KCNIP1: variants seen among roughly 807,000 people sequenced by gnomAD.
KCNIP1 encodes the protein A-type potassium channel modulatory protein KCNIP1.
A neutral mutation model predicts 33.0 loss-of-function variants in KCNIP1; 18 were observed. The ratio of observed to expected loss-of-function variants is 0.55; its 90% confidence interval spans 0.38 to 0.81. The LOEUF (loss-of-function observed/expected upper bound fraction) is 0.81. KCNIP1 is among the 30% of genes least tolerant of loss of function. The probability of loss-of-function intolerance (pLI) is 0.00; values close to 1 mark genes in which losing one functional copy is unlikely to be tolerated. For missense variants in KCNIP1, 238 were observed against 271.6 expected (o/e 0.88, Z 0.87); for synonymous variants, 93 against 98.3 (o/e 0.95, Z 0.32).
At chr5:170,735,611 AG>A in intron 7 of KCNIP1, 147 bp from the exon 8 acceptor site, 1 of 632,144 alleles carries the variant, frequency 1.6e-6, no homozygotes, top group South Asian at 2.2e-5. Flanking sequence ...ATCACTTTCT[AG>A]GTCCCCACCC....
intron 1 of KCNIP1, among the ~76,000 whole-genome samples, chr5:170,550,130 C>T (rs1756554527): frequency 6.6e-6 from 1 of 152,114 alleles, no homozygotes; most frequent in Non-Finnish European, 1.5e-5. Flanking sequence ...GGAACAGGCC[C>T]CAGAGCTGGG....
intron 1 of KCNIP1, among the ~76,000 whole-genome samples, chr5:170,446,592 G>C (rs1662345444): frequency 6.6e-6 from 1 of 152,100 alleles, no homozygotes; most frequent in South Asian, 2.1e-4. Flanking sequence ...CTCACGAGTA[G>C]GTGGGACTAC....
intron 1 of KCNIP1, among the ~76,000 whole-genome samples, chr5:170,549,212 G>A (rs2113406120): frequency 6.6e-6 from 1 of 152,308 alleles, no homozygotes; most frequent in East Asian, 1.9e-4. Flanking sequence ...TTCATCCAGA[G>A]TTTCAAGGAT....
At chr5:170,514,501 TAA>T (rs1755056099) in intron 1 of KCNIP1, among the ~76,000 whole-genome samples, 1 of 152,144 alleles carries the variant, frequency 6.6e-6, no homozygotes, top group Non-Finnish European at 1.5e-5. Flanking sequence ...GCCCTGACAC[TAA>T]AATAATCAGG....
chr5:170,366,647 T>A (rs1409086286), intron 1 of KCNIP1, among the ~76,000 whole-genome samples: 1 of 152,218 alleles, frequency 6.6e-6, no homozygotes, highest in Non-Finnish European at 1.5e-5. Context: ...CTCCTCCAAA[T>A]GTCCTCAGTG....
intron 1 of KCNIP1, among the ~76,000 whole-genome samples, chr5:170,427,785 T>C (rs544985322): frequency 1.3e-5 from 2 of 152,328 alleles, no homozygotes; most frequent in Admixed American, 6.5e-5. Context: ...GAAAGTGTGC[T>C]GCCAGGCAGC....
rs77273631 is a variant in KCNIP1, at chr5:170,716,960, A to G, written c.62-1798A>G. On this transcript the variant is annotated intron_variant, in intron 1 of 7. Coordinates refer to ENST00000328939, the MANE Select transcript of KCNIP1 (RefSeq NM_014592.4). ...TCCCATTTTCTTTATTTGCATTTTAATGTGATTTTTGCTTCATCTCCTTTC... is the reference window on the plus strand; with the variant it reads ...TCCCATTTTCTTTATTTGCATTTTAGTGTGATTTTTGCTTCATCTCCTTTC... 1.7e-3 allele frequency among the ~76,000 whole-genome samples: 261 copies of G among 152,332 alleles called. 4 individuals are homozygous for G. The East Asian group carries it at 0.028, about 16-fold the overall frequency.
At chr5:170,385,841 C>G (rs1485198648) in intron 1 of KCNIP1, among the ~76,000 whole-genome samples, 1 of 151,914 alleles carries the variant, frequency 6.6e-6, no homozygotes, top group Non-Finnish European at 1.5e-5. Flanking sequence ...TCTTGAAGGC[C>G]AGGTGCGGTG....
chr5:170,628,264 T>C (rs1759915920), intron 1 of KCNIP1, among the ~76,000 whole-genome samples: 1 of 152,084 alleles, frequency 6.6e-6, no homozygotes, highest in Admixed American at 6.6e-5. Flanking sequence ...GCCACCTCCA[T>C]CACCAAAGGT....
Position 170,504,784 on chromosome 5 carries a change from G to C in KCNIP1, c.61+151G>C. The C allele has an allele frequency of 1.4e-6, 1 of 697,282 alleles. No homozygotes were observed. The highest frequency in any genetic ancestry group is 2.4e-6 in the Non-Finnish European group (1 of 409,614). 43.2% of individuals were successfully genotyped at this position (697,282 alleles called of 1,614,324 possible). A position where few individuals can be genotyped will look rare whatever the true frequency, so the allele number is the denominator to read the frequency against. Reference sequence around the variant, plus strand: ...GTATCCAAAGGAGAGAGAAATCGGCGGGAGGGCTGGTGTGAACACCCAGAG... The same window carrying C: ...GTATCCAAAGGAGAGAGAAATCGGCCGGAGGGCTGGTGTGAACACCCAGAG... On this transcript the variant is annotated intron_variant, in intron 1 of 7. Coordinates refer to ENST00000328939, the MANE Select transcript of KCNIP1 (RefSeq NM_014592.4). The surrounding 1 kb of genome is among the most constrained non-coding windows in gnomAD (Gnocchi z 6.0).
chr5:170,690,286 T>C (rs1762679210), intron 1 of KCNIP1, among the ~76,000 whole-genome samples: 1 of 152,344 alleles, frequency 6.6e-6, no homozygotes, highest in Non-Finnish European at 1.5e-5. Context: ...GAGTTACTTC[T>C]TGCTCATTTC....
At chr5:170,427,640 C>A (rs1755644088) in intron 1 of KCNIP1, among the ~76,000 whole-genome samples, 1 of 152,212 alleles carries the variant, frequency 6.6e-6, no homozygotes, top group South Asian at 2.1e-4. Context: ...CTCCACTGGT[C>A]CCCTGTACCA....
intron 1 of KCNIP1, among the ~76,000 whole-genome samples, chr5:170,572,433 C>T (rs1057270569): frequency 6.6e-6 from 1 of 152,180 alleles, no homozygotes; most frequent in Admixed American, 6.5e-5. Context: ...CCCCAAAACC[C>T]TCCCTTCTTG....
chr5:170,386,223 A>G (rs1764466592), intron 1 of KCNIP1, among the ~76,000 whole-genome samples: 1 of 152,222 alleles, frequency 6.6e-6, no homozygotes, highest in South Asian at 2.1e-4. Context: ...AAGGGTCCTA[A>G]TAAGAGGGAA....
intron 1 of KCNIP1, among the ~76,000 whole-genome samples, chr5:170,507,029 G>T (rs746419593): frequency 6.6e-6 from 1 of 152,204 alleles, no homozygotes; most frequent in African/African-American, 2.4e-5. Flanking sequence ...TGGGGCCTCG[G>T]TTTCTTCTTT....
chr5:170,360,047 GGA>G (rs1168752901), intron 1 of KCNIP1, among the ~76,000 whole-genome samples: 2 of 152,218 alleles, frequency 1.3e-5, no homozygotes, highest in Admixed American at 6.5e-5. Flanking sequence ...CTGGCAGGCA[GGA>G]GAGTTCAGGC....
intron 1 of KCNIP1, among the ~76,000 whole-genome samples, chr5:170,455,663 A>G (rs193289712): frequency 5.9e-5 from 9 of 152,364 alleles, no homozygotes; most frequent in Non-Finnish European, 1.5e-5. Context: ...ACTCACAACT[A>G]TATAGAAATT....
chr5:170,506,606 C>T lies in KCNIP1; in HGVS notation c.61+1973C>T, dbSNP rs973761779. 2.0e-5 allele frequency among the ~76,000 whole-genome samples: 3 copies of T among 152,172 alleles called. No individual in the cohort carries two copies. In the East Asian group the frequency reaches 5.8e-4, roughly 29 times the overall value. On this transcript the variant is annotated intron_variant, in intron 1 of 7. Transcript: ENST00000328939. The stretch of plus-strand genomic sequence containing the variant: ...ACAAAGGTCTTTGCTTCTGTCTCCT[C>T]GGATTCTAAGAAACAGAAGAGGGGG...
At chr5:170,610,540 A>G (rs1290307175) in intron 1 of KCNIP1, among the ~76,000 whole-genome samples, 1 of 152,168 alleles carries the variant, frequency 6.6e-6, no homozygotes, top group East Asian at 1.9e-4. Context: ...TTGCTGTTAG[A>G]AGCCAGGACT....
Sources: gnomAD v4.1 joint callset for allele counts (sites outside exome capture counted in the v4.1 genomes callset) on GRCh38, gnomAD v4.1.1 for gene constraint, Gnocchi (gnomAD v3.1) non-coding constraint, MANE v1.5 for transcripts, NCBI Gene and HGNC (gene_info 2026-07-23, HGNC 2026-07-21) for gene names.